DNAH12: variants seen among roughly 807,000 people sequenced by gnomAD.
DNAH12 encodes axonemal beta dynein heavy chain 12.
DNAH12 carries 285 observed loss-of-function variants against 371.5 expected under a neutral mutation model. The ratio of observed to expected loss-of-function variants is 0.77; its 90% CI spans 0.70 to 0.85. The LOEUF is 0.85. Among genes scored for constraint, DNAH12 ranks in the 40% least tolerant of loss-of-function variants. The pLI is 0.00. For missense variants in DNAH12, 3,611 were observed against 3,689.4 expected (o/e 0.98, Z 0.55); for synonymous variants, 1,200 against 1,213.0 (o/e 0.99, Z 0.22).
chr3:57,446,364 T>A (rs966917585), intron 26 of DNAH12, 94 bp from the exon 27 acceptor site: 2 of 1,449,648 alleles, frequency 1.4e-6, no homozygotes, highest in Non-Finnish European at 1.8e-6. Context: ...GAATTGAAAG[T>A]TAAATTTAGT....
In DNAH12 at chr3:57,459,148, T is replaced by G. The variant is rs553745233; in HGVS notation, c.2931+444A>C. Among the ~76,000 whole-genome samples the G allele has an allele frequency of 6.6e-5, 10 of 152,298 alleles. No individual in the cohort carries two copies. In the South Asian group the frequency reaches 2.1e-3, roughly 32 times the overall value. ...TACTGGGAGAGACATAGGAACTGAG[T>G]GAGACCAATGGAGAGAACAGCAGAT... On this transcript the variant is annotated intron_variant, in intron 20 of 73. Coordinates refer to ENST00000495027, the MANE Select transcript of DNAH12 (RefSeq NM_001366028.2).
At chr3:57,427,137 A>AGTGT (rs1559646432) in intron 34 of DNAH12, among the ~76,000 whole-genome samples, 1 of 70,520 alleles carries the variant, frequency 1.4e-5, no homozygotes, top group Admixed American at 1.5e-4. Context: ...GTAAGAAGCG[A>AGTGT]ATGTGTGTGT....
chr3:57,380,742 G>A (rs2063372825), intron 50 of DNAH12, among the ~76,000 whole-genome samples: 1 of 152,206 alleles, frequency 6.6e-6, no homozygotes, highest in Non-Finnish European at 1.5e-5. Context: ...TGGGATTACA[G>A]GCGTGAGCCA....
intron 38 of DNAH12, among the ~76,000 whole-genome samples, chr3:57,415,117 C>T (rs1011865514): frequency 2.0e-5 from 3 of 151,778 alleles, no homozygotes; most frequent in African/African-American, 7.3e-5. Flanking sequence ...CCCTGCCCCA[C>T]CCTATGTGTG....
intron 23 of DNAH12, among the ~76,000 whole-genome samples, chr3:57,454,344 G>A (rs1455918356): frequency 6.6e-6 from 1 of 152,030 alleles, no homozygotes; most frequent in Non-Finnish European, 1.5e-5. Context: ...GCCGGGTGTG[G>A]TGGCACATGC....
At chr3:57,334,704 C>A in intron 61 of DNAH12, 78 bp downstream of exon 61, 1 of 1,505,172 alleles carries the variant, frequency 6.6e-7, no homozygotes, top group Non-Finnish European at 8.9e-7. Flanking sequence ...CTATTTAAAA[C>A]CATTTAAAAA....
At chr3:57,516,051 G>GTTTTTT (rs1400729891) in intron 4 of DNAH12, among the ~76,000 whole-genome samples, 1 of 60,220 alleles carries the variant, frequency 1.7e-5, no homozygotes, top group African/African-American at 6.7e-5. Flanking sequence ...GTACTGCTTA[G>GTTTTTT]TCTTTTTTTT....
chr3:57,294,147 T>A (rs938922479), intron 73 of DNAH12, among the ~76,000 whole-genome samples, 176 bp from the exon 74 acceptor site: 4 of 151,174 alleles, frequency 2.6e-5, no homozygotes, highest in African/African-American at 9.7e-5. Context: ...ATTACGGTTG[T>A]GAAACAAGGC....
chr3:57,549,203 A>G (rs2069599663), upstream of DNAH12, among the ~76,000 whole-genome samples: 1 of 147,720 alleles, frequency 6.8e-6, no homozygotes, highest in Non-Finnish European at 1.5e-5. Context: ...CTATGTTTAT[A>G]AAAAATATTT....
rs765646551 is a variant in DNAH12, at chr3:57,457,672, C to G, written c.3336+49G>C. 1.2e-5 allele frequency: 18 copies of G among 1,476,308 alleles called. 1 individual carries two copies. The South Asian group carries it at 2.2e-4, about 18-fold the overall frequency. 91.5% of individuals were successfully genotyped at this position (1,476,308 alleles called of 1,614,324 possible). ...TTACTGGTTTCCAAAACCTCTTAAA[C>G]AAAGCATTTGCAGAATATAGGGTAT... On this transcript the variant is annotated intron_variant, in intron 22 of 73. Coordinates refer to ENST00000495027, the MANE Select transcript of DNAH12 (RefSeq NM_001366028.2).
intron 62 of DNAH12, among the ~76,000 whole-genome samples, chr3:57,330,093 G>A (rs2062057171): frequency 6.6e-6 from 1 of 151,950 alleles, no homozygotes; most frequent in African/African-American, 2.4e-5. Context: ...GGAGAAATAG[G>A]AACACTTTTA....
chr3:57,484,323 A>T (rs948541425), intron 12 of DNAH12, among the ~76,000 whole-genome samples: 1 of 152,186 alleles, frequency 6.6e-6, no homozygotes, highest in African/African-American at 2.4e-5. Context: ...AGAATATCCC[A>T]TGTAGGATAT....
At position 57,419,432 on chromosome 3, in the gene DNAH12, G is replaced by A; in HGVS notation, c.5649C>T (p.Ile1883=). 6.6e-7 allele frequency: 1 copy of A among 1,506,516 alleles called. No individual in the cohort carries two copies. The highest frequency in any genetic ancestry group is 1.4e-5 in the South Asian group (1 of 73,994). The allele number at this position is 1,506,516 out of a possible 1,614,324, so 93.3% of individuals were successfully genotyped here. A position where few individuals can be genotyped will look rare whatever the true frequency, so the allele number is the denominator to read the frequency against. ...TAATTGTGTCCATCGTAGGGACTAT[G>A]ATATCTTGAATCTTGATTTGTTTAT... is the stretch of plus-strand genomic sequence containing the variant. ...LGDKQIKIQD[I]IVPTMDTIRY... is the part of the protein sequence containing the mutation. The change falls in exon 37 of 74, where the codon ATC becomes ATT. Residue 1883 remains isoleucine (I), a synonymous_variant. Transcript: ENST00000495027.
At chr3:57,442,752 T>C (rs985864356) in intron 29 of DNAH12, among the ~76,000 whole-genome samples, 1 of 152,204 alleles carries the variant, frequency 6.6e-6, no homozygotes, top group African/African-American at 2.4e-5. Flanking sequence ...CATATTAGCA[T>C]ATTCTGAATC....
At chr3:57,525,017 T>C (rs114374774) in intron 2 of DNAH12, among the ~76,000 whole-genome samples, 1,634 of 151,884 alleles carry the variant, frequency 0.011, 22 homozygotes, top group Middle Eastern at 0.02. Context: ...CTAGAAGAGA[T>C]GGCCAAAGAA....
At chr3:57,521,579 C>G (rs1422566562) in intron 4 of DNAH12, among the ~76,000 whole-genome samples, 1 of 152,154 alleles carries the variant, frequency 6.6e-6, no homozygotes, top group Non-Finnish European at 1.5e-5. Flanking sequence ...TTCCACTAAT[C>G]AAAGTTTTTT....
chr3:57,538,271 A>G (rs928526455), intron 2 of DNAH12, among the ~76,000 whole-genome samples: 1 of 69,832 alleles, frequency 1.4e-5, no homozygotes, highest in African/African-American at 3.5e-5. Context: ...CCAATAATTC[A>G]AAATGCATTT....
intron 60 of DNAH12, among the ~76,000 whole-genome samples, chr3:57,347,770 A>T (rs2062577182): frequency 6.6e-6 from 1 of 152,126 alleles, no homozygotes; most frequent in Non-Finnish European, 1.5e-5. Flanking sequence ...TCACCAAAGA[A>T]GATATATAGT....
the DNAH12 span, among the ~76,000 whole-genome samples, chr3:57,553,087 A>C: frequency 4.6e-5 from 7 of 151,736 alleles, no homozygotes; most frequent in African/African-American, 7.3e-5. Context: ...GAGGCAGGAG[A>C]ATCGCTTGAA....
Sources: allele counts gnomAD v4.1 joint callset (sites outside exome capture counted in the v4.1 genomes callset), GRCh38; gene constraint gnomAD v4.1.1; transcripts MANE v1.5; gene names NCBI Gene and HGNC (gene_info 2026-07-23, HGNC 2026-07-21).